F2: variants seen among roughly 807,000 people sequenced by gnomAD.
F2 encodes the protein prothrombin.
A neutral mutation model predicts 81.9 loss-of-function variants in F2; 34 were observed. The observed-to-expected ratio is 0.42, with a 90% CI of 0.32 to 0.55. The LOEUF (loss-of-function observed/expected upper bound fraction) is 0.55. Among genes scored for constraint, F2 ranks in the 20% least tolerant of loss-of-function variants. The pLI, the probability that F2 is intolerant of heterozygous loss-of-function variation, is 0.18. For missense variants in F2, 630 were observed against 833.4 expected, an observed-to-expected ratio of 0.76 and a Z score of 3.00; for synonymous variants, 296 against 326.4, an observed-to-expected ratio of 0.91 and a Z score of 1.01.
In F2 at chr11:46,728,819, A is replaced by G. The variant is rs2064892571; in HGVS notation, c.1454A>G (p.Asp485Gly). 2 of 1,613,958 alleles carry G rather than the reference A, an allele frequency of 1.2e-6. No homozygotes were observed. Among genetic ancestry groups the G allele is most frequent in the East Asian group, 4.5e-5 (2 of 44,878 alleles). ...TACATTCACCCTGTGTGTCTGCCCGACAGGGAGACGGCAGCCAGGTGGGCC... is the reference window on the plus strand; with the variant it reads ...TACATTCACCCTGTGTGTCTGCCCGGCAGGGAGACGGCAGCCAGGTGGGCC... ...SDYIHPVCLP[D>G]RETAASLLQA... The change falls in exon 11 of 14, where the codon GAC becomes GGC. Residue 485 changes from aspartate (D) to glycine (G), a missense_variant. By Grantham distance (94) the Asp-to-Gly change is moderately conservative. Transcript: ENST00000311907. The surrounding 1 kb of genome is among the most constrained non-coding windows in gnomAD (Gnocchi z 5.1).
chr11:46,734,501 G>A (rs527328625), intron 12 of F2, among the ~76,000 whole-genome samples: 9 of 152,056 alleles, frequency 5.9e-5, no homozygotes, highest in African/African-American at 2.2e-4. Context: ...TATTAAATCT[G>A]GATTTTGAAT....
At chr11:46,731,460 C>T (rs777499811) in intron 12 of F2, among the ~76,000 whole-genome samples, 23 of 151,644 alleles carry the variant, frequency 1.5e-4, no homozygotes, top group Non-Finnish European at 2.9e-4. Flanking sequence ...GGATTACAGG[C>T]GTGAGCCACA....
chr11:46,733,533 T>G (rs1360324760), intron 12 of F2, among the ~76,000 whole-genome samples: 1 of 152,056 alleles, frequency 6.6e-6, no homozygotes, highest in African/African-American at 2.4e-5. Context: ...AGTGGTGTTG[T>G]TAGGTCAAAA....
chr11:46,736,860 A>G (rs2064947214), intron 12 of F2, among the ~76,000 whole-genome samples: 1 of 152,192 alleles, frequency 6.6e-6, no homozygotes, highest in Non-Finnish European at 1.5e-5. Context: ...GCTTGGTGGT[A>G]ATTTTATTGG....
rs779651171 is a variant in F2 at position 46,720,853 on chromosome 11, C to T, written c.316+13C>T. 1.9e-6 allele frequency: 3 copies of T among 1,613,402 alleles called. No individual in the cohort carries two copies. The South Asian group carries it at 3.3e-5, about 18-fold the overall frequency. On this transcript the variant is annotated intron_variant, in intron 4 of 13. Coordinates refer to ENST00000311907, the MANE Select transcript of F2 (RefSeq NM_000506.5). ...GCATGTCTGGAAGGTGAGCAACTGACACGGGTTTGGGGAGCAGGACATGGA... is the reference window on the plus strand; with the variant it reads ...GCATGTCTGGAAGGTGAGCAACTGATACGGGTTTGGGGAGCAGGACATGGA...
At chr11:46,737,748 T>C (rs1333579584) in intron 12 of F2, among the ~76,000 whole-genome samples, 1 of 152,094 alleles carries the variant, frequency 6.6e-6, no homozygotes, top group Non-Finnish European at 1.5e-5. Flanking sequence ...AGGCCTATTA[T>C]TTTTCTATTG....
In F2 at chr11:46,725,970, G is replaced by A. The variant is rs200525645; in HGVS notation, c.671G>A (p.Arg224His). ...VPDRGQQYQG[R>H]LAVTTHGLPC... The stretch of plus-strand genomic sequence containing the variant: ...GATCGGGGGCAGCAGTACCAGGGGC[G>A]CCTGGCGGTGACCACACATGGGCTC... The change falls in exon 7 of 14, where the codon CGC becomes CAC. Residue 224 changes from arginine (R) to histidine (H), a missense_variant. Coordinates refer to ENST00000311907, the MANE Select transcript of F2 (RefSeq NM_000506.5). The A allele has an allele frequency of 1.1e-5, 18 of 1,613,906 alleles. No individual in the cohort carries two copies. The highest frequency in any genetic ancestry group is 2.2e-5 in the South Asian group (2 of 91,074).
Position 46,719,365 on chromosome 11 carries a change from C to T in F2, c.79+51C>T, listed in dbSNP as rs1410438532. 6.3e-7 allele frequency: 1 copy of T among 1,576,608 alleles called. No individual in the cohort carries two copies. Among genetic ancestry groups the T allele is most frequent in the Admixed American group, 1.8e-5 (1 of 55,448 alleles). The stretch of plus-strand genomic sequence containing the variant: ...CAGGCTGGAGGACTGGGGTGTGGGC[C>T]CATGGGCTGGGGTCTCCTGGCTGGA... On this transcript the variant is annotated intron_variant, in intron 1 of 13. Coordinates refer to ENST00000311907, the MANE Select transcript of F2 (RefSeq NM_000506.5). This position sits in a 1 kb window ranked among gnomAD's most constrained non-coding sequence, Gnocchi z 4.7.
At chr11:46,734,229 CTGG>C (rs1182816024) in intron 12 of F2, among the ~76,000 whole-genome samples, 4 of 152,132 alleles carry the variant, frequency 2.6e-5, no homozygotes, top group Admixed American at 6.6e-5. Flanking sequence ...TCCCGAGTAG[CTGG>C]TTCCACAGGT....
rs757011999 is a variant in F2, at chr11:46,727,948, G to A, written c.1131-48G>A. ...TGTTACTTCTAGGGCTGGTGTAGAG[G>A]CAGCCCCCTCATCCTCAGCTCCTAA... is the stretch of plus-strand genomic sequence containing the variant. On this transcript the variant is annotated intron_variant, in intron 9 of 13. Coordinates refer to ENST00000311907, the MANE Select transcript of F2 (RefSeq NM_000506.5). 61 of 1,562,382 alleles carry A rather than the reference G, an allele frequency of 3.9e-5. 1 individual carries two copies. In the South Asian group the frequency reaches 6.6e-4, roughly 17 times the overall value.
chr11:46,738,167 A>AT (rs1431196413), intron 12 of F2, among the ~76,000 whole-genome samples: 1 of 151,804 alleles, frequency 6.6e-6, no homozygotes, highest in Non-Finnish European at 1.5e-5. Context: ...TGTCTGGCTA[A>AT]TTTTTGTATT....
intron 4 of F2, 129 bp downstream of exon 4, chr11:46,720,969 C>T: frequency 2.1e-6 from 2 of 940,446 alleles, no homozygotes; most frequent in Non-Finnish European, 1.7e-6. Flanking sequence ...GCTCCCATTC[C>T]TGGGGTCAAG....
intron 12 of F2, among the ~76,000 whole-genome samples, chr11:46,734,111 T>C (rs2064930408): frequency 6.6e-6 from 1 of 151,722 alleles, no homozygotes; most frequent in Admixed American, 6.6e-5. Flanking sequence ...TATAATTTTT[T>C]TTTTGAGACA....
chr11:46,735,321 G>T (rs2064937267), intron 12 of F2, among the ~76,000 whole-genome samples: 1 of 151,814 alleles, frequency 6.6e-6, no homozygotes, highest in Non-Finnish European at 1.5e-5. Context: ...CATGCCTGTA[G>T]TACCAGCTAC....
In F2 at chr11:46,726,236, C is replaced by T. The variant is rs1022816588; in HGVS notation, c.874+63C>T. 11 of 1,592,834 alleles carry T rather than the reference C, an allele frequency of 6.9e-6. No individual in the cohort carries two copies. The highest frequency in any genetic ancestry group is 5.4e-5 in the African/African-American group (4 of 74,698). On this transcript the variant is annotated intron_variant, in intron 7 of 13. Coordinates refer to ENST00000311907, the MANE Select transcript of F2 (RefSeq NM_000506.5). This position sits in a 1 kb window ranked among gnomAD's most constrained non-coding sequence, Gnocchi z 5.9. ...AAATCCTGGTGGGAATAACAACAGC[C>T]GCTTCTGCTTATCGAACGCTTACCT...
chr11:46,723,580 G>T lies in F2; in HGVS notation c.559+62G>T. On this transcript the variant is annotated intron_variant, in intron 6 of 13. Transcript: ENST00000311907. The surrounding 1 kb of genome is among the most constrained non-coding windows in gnomAD (Gnocchi z 5.6). ...CCCGGGGGCTTCATGGGGCCTGGCAGCCTGGGATGGGAACCAAGAATACTG... is the reference window on the plus strand; with the variant it reads ...CCCGGGGGCTTCATGGGGCCTGGCATCCTGGGATGGGAACCAAGAATACTG... 1 of 1,549,526 alleles carries T rather than the reference G, an allele frequency of 6.5e-7. No homozygotes were observed. Among genetic ancestry groups the T allele is most frequent in the Non-Finnish European group, 8.7e-7 (1 of 1,142,952 alleles).
chr11:46,730,615 GTTA>G (rs957261114), intron 12 of F2, among the ~76,000 whole-genome samples: 17 of 152,042 alleles, frequency 1.1e-4, no homozygotes, highest in African/African-American at 4.1e-4. Flanking sequence ...GAGATGGGAA[GTTA>G]TTGAGGGGCT....
Position 46,719,902 on chromosome 11 carries a change from C to A in F2, c.240+40C>A. 1 of 1,545,968 alleles carries A rather than the reference C, an allele frequency of 6.5e-7. No individual in the cohort carries two copies. On this transcript the variant is annotated intron_variant, in intron 2 of 13. Coordinates refer to ENST00000311907, the MANE Select transcript of F2 (RefSeq NM_000506.5). The surrounding 1 kb of genome is among the most constrained non-coding windows in gnomAD (Gnocchi z 4.7). ...CTCGGACGGTGCCGGGGCCTCAGAC[C>A]GGGCCCAACTCTAGACACTTCCACA...
chr11:46,720,643 A>G, intron 3 of F2, 96 bp downstream of exon 3: 1 of 1,523,350 alleles, frequency 6.6e-7, no homozygotes, highest in Non-Finnish European at 9.1e-7. Context: ...CTAGCCATCC[A>G]CCCATCCACC....
Sources: gnomAD v4.1 joint callset for allele counts (sites outside exome capture counted in the v4.1 genomes callset) on GRCh38, gnomAD v4.1.1 for gene constraint, Gnocchi (gnomAD v3.1) non-coding constraint, MANE v1.5 for transcripts, NCBI Gene and HGNC (gene_info 2026-07-23, HGNC 2026-07-21) for gene names.